INPP5D: variants seen among roughly 807,000 people sequenced by gnomAD.
The protein encoded by INPP5D is inositol polyphosphate-5-phosphatase D, also known as phosphatidylinositol 3,4,5-trisphosphate 5-phosphatase 1.
Under a neutral mutation model 122.9 loss-of-function variants are expected in INPP5D, and 33 were observed. That is an observed-to-expected ratio of 0.27 (90% confidence interval 0.20 to 0.36). The LOEUF (loss-of-function observed/expected upper bound fraction) is 0.36. INPP5D is among the 10% of genes least tolerant of loss of function. INPP5D has a pLI of 1.00. For missense variants in INPP5D, 1,053 were observed against 1,412.7 expected, an observed-to-expected ratio of 0.75 and a Z score of 4.08; for synonymous variants, 584 against 576.2, an observed-to-expected ratio of 1.01 and a Z score of -0.19.
rs975274906 is a variant in INPP5D, at chr2:233,177,881, A to G, written c.2071+535A>G. On this transcript the variant is annotated intron_variant, in intron 18 of 26. Transcript: ENST00000445964. This position sits in a 1 kb window ranked among gnomAD's most constrained non-coding sequence, Gnocchi z 4.2. The stretch of plus-strand genomic sequence containing the variant: ...TGAGCCACCGCGGCCGACCCGGAGC[A>G]CTTTTTTAAAAATTCAGTTTTATTT... Among the ~76,000 whole-genome samples, 2 of 152,198 alleles carry G rather than the reference A, an allele frequency of 1.3e-5. No homozygotes were observed. Among genetic ancestry groups the G allele is most frequent in the African/African-American group, 2.4e-5 (1 of 41,458 alleles).
At chr2:233,185,803 GCT>G (rs922447208) in intron 20 of INPP5D, 38 bp from the exon 21 acceptor site, 13 of 1,556,058 alleles carry the variant, frequency 8.4e-6, no homozygotes, top group Non-Finnish European at 1.1e-5. Flanking sequence ...TCTGGTTCTT[GCT>G]CTGTTTTCTG....
intron 2 of INPP5D, among the ~76,000 whole-genome samples, chr2:233,088,923 G>A (rs112314559): frequency 2.0e-4 from 31 of 152,318 alleles, no homozygotes; most frequent in Non-Finnish European, 4.3e-4. Context: ...GCCCAGGCGC[G>A]AGGGTCATGG....
chr2:233,073,640 C>CA (rs752382722), intron 1 of INPP5D, among the ~76,000 whole-genome samples: 3,816 of 43,942 alleles, frequency 0.087, 353 homozygotes, highest in East Asian at 0.27. Context: ...AACTCAATCT[C>CA]AAAAAAAAAA....
rs760504750 is a variant in INPP5D at position 233,177,962 on chromosome 2, A to C, written c.2071+616A>C. 2.6e-4 allele frequency among the ~76,000 whole-genome samples: 39 copies of C among 152,340 alleles called. No individual in the cohort carries two copies. Among genetic ancestry groups the C allele is most frequent in the Non-Finnish European group, 3.5e-4 (24 of 68,034 alleles). The stretch of plus-strand genomic sequence containing the variant: ...ATATGAAAGTGTTTTTGTAGGTCAG[A>C]AATAGTTATTGGAAATTCATATGGC... On this transcript the variant is annotated intron_variant, in intron 18 of 26. Transcript: ENST00000445964. The surrounding 1 kb of genome is among the most constrained non-coding windows in gnomAD (Gnocchi z 4.2).
intron 17 of INPP5D, among the ~76,000 whole-genome samples, chr2:233,174,687 A>C (rs1296965171): frequency 6.6e-6 from 1 of 151,724 alleles, no homozygotes. Flanking sequence ...AGCTACTCAG[A>C]AGGCTGAGTC....
At position 233,189,283 on chromosome 2, in the gene INPP5D, C is replaced by G. The variant is rs980691800; in HGVS notation, c.2359-567C>G. ...TTCGCTGAGCCACACCCCCAACAATCGGTAGGACACTCCAGGCCCAGCTGG... is the reference window on the plus strand; with the variant it reads ...TTCGCTGAGCCACACCCCCAACAATGGGTAGGACACTCCAGGCCCAGCTGG... On this transcript the variant is annotated intron_variant, in intron 21 of 26. Coordinates refer to ENST00000445964, the MANE Select transcript of INPP5D (RefSeq NM_001017915.3). The surrounding 1 kb of genome is among the most constrained non-coding windows in gnomAD (Gnocchi z 5.6). Among the ~76,000 whole-genome samples the G allele has an allele frequency of 1.3e-5, 2 of 152,228 alleles. No homozygotes were observed. The highest frequency in any genetic ancestry group is 2.9e-5 in the Non-Finnish European group (2 of 68,040).
chr2:233,186,684 C>CTTTTTTTTT lies in INPP5D; in HGVS notation c.2358+807_2358+815dup, dbSNP rs144243823. ...CTTGTTTTTTTTTCTTTTTCTCTTT[C>CTTTTTTTTT]TTTTTTTTTTTTTTTTTTTTTTTTT... On this transcript the variant is annotated intron_variant, in intron 21 of 26. Coordinates refer to ENST00000445964, the MANE Select transcript of INPP5D (RefSeq NM_001017915.3). 1.6e-4 allele frequency among the ~76,000 whole-genome samples: 7 copies of CTTTTTTTTT among 44,528 alleles called. 1 individual carries two copies. The highest frequency in any genetic ancestry group is 9.3e-4 in the East Asian group (1 of 1,070). 29.2% of individuals were successfully genotyped at this position (44,528 alleles called of 152,430 possible). A position where few individuals can be genotyped will look rare whatever the true frequency, so the allele number is the denominator to read the frequency against.
rs1241060577 is a variant in INPP5D at position 233,189,120 on chromosome 2, C to T, written c.2359-730C>T. 6.6e-6 allele frequency among the ~76,000 whole-genome samples: 1 copy of T among 152,232 alleles called. No individual in the cohort carries two copies. The highest frequency in any genetic ancestry group is 1.5e-5 in the Non-Finnish European group (1 of 68,044). On this transcript the variant is annotated intron_variant, in intron 21 of 26. Coordinates refer to ENST00000445964, the MANE Select transcript of INPP5D (RefSeq NM_001017915.3). This position sits in a 1 kb window ranked among gnomAD's most constrained non-coding sequence, Gnocchi z 5.6. ...TCCCTGCACTTGCCCGGACACAGCC[C>T]CCACTGGCCAGTGCTGTGCAAAGCC...
chr2:233,131,463 G>C (rs971016354), intron 5 of INPP5D, among the ~76,000 whole-genome samples: 2 of 151,956 alleles, frequency 1.3e-5, no homozygotes, highest in African/African-American at 4.8e-5. Flanking sequence ...TTGGGAGGCC[G>C]AGGCAGGTGG....
intron 2 of INPP5D, among the ~76,000 whole-genome samples, chr2:233,092,028 C>T (rs1559285810): frequency 6.6e-6 from 1 of 152,184 alleles, no homozygotes; most frequent in Non-Finnish European, 1.5e-5. Flanking sequence ...TGGAGACCCC[C>T]AAAGCTTTCC....
intron 4 of INPP5D, among the ~76,000 whole-genome samples, chr2:233,126,890 A>G (rs935769744): frequency 3.3e-5 from 5 of 151,866 alleles, no homozygotes; most frequent in Admixed American, 3.3e-4. Context: ...ACTGCACTCC[A>G]GCCTGGGCAA....
chr2:233,093,647 A>T (rs1237488869), intron 2 of INPP5D, among the ~76,000 whole-genome samples: 3 of 148,546 alleles, frequency 2.0e-5, no homozygotes, highest in African/African-American at 7.5e-5. Context: ...GTCACTGCAC[A>T]CTCCAGTCTG....
At chr2:233,161,420 A>G (rs540756310) in intron 10 of INPP5D, among the ~76,000 whole-genome samples, 2 of 152,118 alleles carry the variant, frequency 1.3e-5, no homozygotes, top group South Asian at 4.1e-4. Flanking sequence ...GAATCTCCTA[A>G]GGCTGGACAG....
chr2:233,095,317 T>C (rs879581395), intron 2 of INPP5D, among the ~76,000 whole-genome samples: 1 of 152,222 alleles, frequency 6.6e-6, no homozygotes, highest in Non-Finnish European at 1.5e-5. Context: ...TTGCCCAGGC[T>C]GTTCTTAAAC....
chr2:233,122,848 A>C (rs10201557), intron 3 of INPP5D, among the ~76,000 whole-genome samples: 73,497 of 152,000 alleles, frequency 0.48, 18,116 homozygotes, highest in Non-Finnish European at 0.5. Flanking sequence ...GTAAAGACTG[A>C]ACTTCCTCTG....
At chr2:233,095,643 A>C (rs1478928977) in intron 2 of INPP5D, among the ~76,000 whole-genome samples, 1 of 143,828 alleles carries the variant, frequency 7.0e-6, no homozygotes, top group Non-Finnish European at 1.5e-5. Flanking sequence ...AAAAAAAAAA[A>C]CAACTCCTGG....
intron 2 of INPP5D, among the ~76,000 whole-genome samples, chr2:233,114,192 G>A (rs562942714): frequency 3.3e-4 from 51 of 152,306 alleles, no homozygotes; most frequent in Admixed American, 1.2e-3. Context: ...ACAGGTGTGA[G>A]CCACCGCACC....
rs112361132 is a variant in INPP5D at position 233,169,414 on chromosome 2, C to T, written c.1652+13C>T. On this transcript the variant is annotated intron_variant, in intron 14 of 26. Coordinates refer to ENST00000445964, the MANE Select transcript of INPP5D (RefSeq NM_001017915.3). ...AAAAGAAACTCAGGTAATGGAACTC[C>T]TTCCCCCCAAGAGTGTGCATTTGGG... is the stretch of plus-strand genomic sequence containing the variant. 1 of 1,575,360 alleles carries T rather than the reference C, an allele frequency of 6.3e-7. No homozygotes were observed. The highest frequency in any genetic ancestry group is 2.3e-5 in the East Asian group (1 of 43,368).
intron 9 of INPP5D, among the ~76,000 whole-genome samples, chr2:233,149,418 AAG>A (rs1693864632): frequency 6.6e-6 from 1 of 152,060 alleles, no homozygotes. Flanking sequence ...GTTCTTAATA[AAG>A]TCGTATGCAC....
Sources: allele counts gnomAD v4.1 joint callset (sites outside exome capture counted in the v4.1 genomes callset), GRCh38; gene constraint gnomAD v4.1.1; non-coding constraint Gnocchi (gnomAD v3.1); transcripts MANE v1.5; gene names NCBI Gene and HGNC (gene_info 2026-07-23, HGNC 2026-07-21).